CCBE1: variants seen among roughly 807,000 people sequenced by gnomAD.
CCBE1 encodes collagen and calcium-binding EGF domain-containing protein 1.
In CCBE1, 37 loss-of-function variants were observed where a neutral mutation model predicts 50.0. The ratio of observed to expected loss-of-function variants is 0.74; its 90% CI spans 0.57 to 0.97. The LOEUF is 0.97. CCBE1 is among the 50% of genes least tolerant of loss of function. The probability of loss-of-function intolerance (pLI) is 0.00; values close to 1 mark genes in which losing one functional copy is unlikely to be tolerated. For synonymous variants in CCBE1, 234 were observed against 203.7 expected (o/e 1.15, Z -1.27); for missense variants, 538 against 523.8 (o/e 1.03, Z -0.26).
chr18:59,573,029 A>T (rs1307306348), intron 2 of CCBE1, among the ~76,000 whole-genome samples: 2 of 151,926 alleles, frequency 1.3e-5, no homozygotes, highest in Non-Finnish European at 2.9e-5. Context: ...CACACCTGTA[A>T]TCCCTGCACT....
rs558571503 is a variant in CCBE1 at position 59,526,604 on chromosome 18, C to G, written c.213-46366G>C. Among the ~76,000 whole-genome samples, 11 of 152,234 alleles carry G rather than the reference C, an allele frequency of 7.2e-5. No individual in the cohort carries two copies. The East Asian group carries it at 2.1e-3, about 29-fold the overall frequency. ...GATTACAGGTGTGAGCCACCATGCC[C>G]GGCCAATTGGAGATCTTTTTAGCCT... On this transcript the variant is annotated intron_variant, in intron 2 of 10. Coordinates refer to ENST00000439986, the MANE Select transcript of CCBE1 (RefSeq NM_133459.4).
chr18:59,638,403 G>C (rs971276253), intron 2 of CCBE1, among the ~76,000 whole-genome samples: 6 of 152,156 alleles, frequency 3.9e-5, no homozygotes, highest in Non-Finnish European at 7.3e-5. Flanking sequence ...AGCAACGAAC[G>C]GTTCTTGAAG....
At chr18:59,450,302 G>A (rs1252250309) in intron 6 of CCBE1, among the ~76,000 whole-genome samples, 2 of 152,172 alleles carry the variant, frequency 1.3e-5, no homozygotes, top group Non-Finnish European at 2.9e-5. Context: ...TTTCTAGATG[G>A]ATGGCGCTGT....
intron 3 of CCBE1, among the ~76,000 whole-genome samples, chr18:59,473,349 C>G (rs2143746222): frequency 6.6e-6 from 1 of 152,246 alleles, no homozygotes; most frequent in South Asian, 2.1e-4. Context: ...GAGATTCAAA[C>G]TCTTGAGCTT....
intron 6 of CCBE1, among the ~76,000 whole-genome samples, chr18:59,450,052 A>G (rs964153520): frequency 1.3e-5 from 2 of 152,204 alleles, no homozygotes; most frequent in South Asian, 2.1e-4. Context: ...AACACAGCAG[A>G]CGATGGGCTG....
intron 2 of CCBE1, among the ~76,000 whole-genome samples, chr18:59,508,711 CTTTT>C (rs55881131): frequency 1.5e-4 from 14 of 95,686 alleles, no homozygotes; most frequent in African/African-American, 4.1e-4. Context: ...TAGAGTTACG[CTTTT>C]TTTTTTTTTT....
chr18:59,450,684 G>A (rs1276580998), intron 6 of CCBE1, among the ~76,000 whole-genome samples: 3 of 152,112 alleles, frequency 2.0e-5, no homozygotes, highest in Admixed American at 6.6e-5. Context: ...ACAGGCTCCC[G>A]CCACCACACC....
At chr18:59,581,729 T>G (rs9951628) in intron 2 of CCBE1, among the ~76,000 whole-genome samples, 4,617 of 152,284 alleles carry the variant, frequency 0.03, 200 homozygotes, top group African/African-American at 0.1. Flanking sequence ...CCTGGGGAAT[T>G]GGAAAGGCTG....
At chr18:59,492,144 C>CAAAAAAAAAA (rs869190811) in intron 2 of CCBE1, among the ~76,000 whole-genome samples, 1 of 78,424 alleles carries the variant, frequency 1.3e-5, no homozygotes, top group African/African-American at 5.4e-5. Context: ...GACTTTGTCT[C>CAAAAAAAAAA]AAAAAAAAAA....
At position 59,647,638 on chromosome 18, in the gene CCBE1, G is replaced by A. The variant is rs572647091; in HGVS notation, c.212+48991C>T. ...CAGTCTACAGTCAAAGGAAATGCAC[G>A]CATATTAGAACTTTCCCTCCACCTG... On this transcript the variant is annotated intron_variant, in intron 2 of 10. Transcript: ENST00000439986. 2.1e-3 allele frequency among the ~76,000 whole-genome samples: 322 copies of A among 152,136 alleles called. 1 individual carries two copies. Among genetic ancestry groups the A allele is most frequent in the Non-Finnish European group, 2.6e-3 (176 of 67,996 alleles).
intron 2 of CCBE1, among the ~76,000 whole-genome samples, chr18:59,540,529 T>C (rs1915427331): frequency 6.6e-6 from 1 of 152,218 alleles, no homozygotes; most frequent in Non-Finnish European, 1.5e-5. Context: ...ATTCTATTTT[T>C]TGTTTTTGTT....
chr18:59,452,883 G>A lies in CCBE1; in HGVS notation c.654+1968C>T, dbSNP rs181859412. Among the ~76,000 whole-genome samples the A allele has an allele frequency of 2.4e-4, 37 of 152,310 alleles. No individual in the cohort carries two copies. In the Middle Eastern group the frequency reaches 0.027, roughly 112 times the overall value. On this transcript the variant is annotated intron_variant, in intron 6 of 10. Coordinates refer to ENST00000439986, the MANE Select transcript of CCBE1 (RefSeq NM_133459.4). Reference sequence around the variant, plus strand: ...TTGGGATTGCCACAATGCATTTGCAGAAAGATTTTGGTATAAGGTAGAACG... The same window carrying A: ...TTGGGATTGCCACAATGCATTTGCAAAAAGATTTTGGTATAAGGTAGAACG...
At chr18:59,588,581 AG>A (rs2053212248) in intron 2 of CCBE1, among the ~76,000 whole-genome samples, 2 of 152,170 alleles carry the variant, frequency 1.3e-5, no homozygotes, top group Admixed American at 6.5e-5. Flanking sequence ...TAACTCTTGT[AG>A]GTAATTTTTC....
chr18:59,569,926 C>A (rs184915525), intron 2 of CCBE1, among the ~76,000 whole-genome samples: 294 of 152,322 alleles, frequency 1.9e-3, no homozygotes, highest in Non-Finnish European at 3.4e-3. Flanking sequence ...CCACTGCACC[C>A]GGCCTCAGCT....
chr18:59,654,343 A>G (rs1347616519), intron 2 of CCBE1, among the ~76,000 whole-genome samples: 1 of 152,234 alleles, frequency 6.6e-6, no homozygotes, highest in African/African-American at 2.4e-5. Flanking sequence ...AAGAACTGGG[A>G]AAAACAGCCC....
intron 2 of CCBE1, among the ~76,000 whole-genome samples, chr18:59,547,373 A>G (rs996549743): frequency 3.9e-5 from 6 of 152,154 alleles, no homozygotes; most frequent in Non-Finnish European, 5.9e-5. Context: ...AAACTGGGCA[A>G]GTTAAGTTGA....
intron 2 of CCBE1, among the ~76,000 whole-genome samples, chr18:59,579,390 G>A (rs1286231750): frequency 6.8e-6 from 1 of 147,942 alleles, no homozygotes; most frequent in Non-Finnish European, 1.5e-5. Flanking sequence ...AGAATCACAT[G>A]GGGATCTTTA....
intron 2 of CCBE1, among the ~76,000 whole-genome samples, chr18:59,626,967 G>A (rs2163106): frequency 6.6e-6 from 1 of 152,084 alleles, no homozygotes; most frequent in Admixed American, 6.5e-5. Context: ...TGTGCCCATG[G>A]TCTTGGGATT....
chr18:59,661,002 T>A, intron 2 of CCBE1, among the ~76,000 whole-genome samples: 1 of 54,128 alleles, frequency 1.8e-5, no homozygotes, highest in South Asian at 3.6e-4. Flanking sequence ...CTGGGAGGTG[T>A]TTTTTTTTGT....
Sources: gnomAD v4.1 joint callset for allele counts (sites outside exome capture counted in the v4.1 genomes callset) on GRCh38, gnomAD v4.1.1 for gene constraint, MANE v1.5 for transcripts, NCBI Gene and HGNC (gene_info 2026-07-23, HGNC 2026-07-21) for gene names.